ATP11A: variants seen among roughly 807,000 people sequenced by gnomAD.
ATP11A encodes the protein phospholipid-transporting ATPase IH.
Under a neutral mutation model 154.4 loss-of-function variants are expected in ATP11A, and 81 were observed. That is an observed-to-expected ratio of 0.52 (90% CI 0.44 to 0.63). The LOEUF is 0.63. Ranked by LOEUF, ATP11A falls within the 30% of genes least tolerant of loss-of-function variation. The pLI is 0.00. For synonymous variants in ATP11A, 623 were observed against 585.9 expected, an observed-to-expected ratio of 1.06 and a Z score of -0.91; for missense variants, 1,316 against 1,474.3, an observed-to-expected ratio of 0.89 and a Z score of 1.76.
intron 18 of ATP11A, among the ~76,000 whole-genome samples, chr13:112,853,258 A>T (rs1281885112): frequency 6.6e-6 from 1 of 151,754 alleles, no homozygotes; most frequent in African/African-American, 2.4e-5. Context: ...ATATATATAT[A>T]TATGCACACA....
intron 1 of ATP11A, among the ~76,000 whole-genome samples, chr13:112,722,569 GGAGGCATCC>G (rs1199047157): frequency 1.3e-5 from 2 of 152,306 alleles, no homozygotes; most frequent in East Asian, 3.9e-4. Context: ...GAGGGGGTGA[GGAGGCATCC>G]GAGTCCCATC....
intron 1 of ATP11A, among the ~76,000 whole-genome samples, chr13:112,778,771 T>G (rs1434530728): frequency 1.5e-4 from 9 of 58,244 alleles, no homozygotes; most frequent in African/African-American, 2.2e-4. Context: ...GCCGCTGGAG[T>G]GAGTAGCCGC....
chr13:112,794,025 T>C (rs1366638337), intron 2 of ATP11A, among the ~76,000 whole-genome samples: 2 of 152,208 alleles, frequency 1.3e-5, no homozygotes, highest in Non-Finnish European at 2.9e-5. Context: ...ATGGCGTCTG[T>C]CGTACAAGTG....
intron 9 of ATP11A, among the ~76,000 whole-genome samples, chr13:112,824,126 T>C (rs2078870779): frequency 6.6e-6 from 1 of 152,200 alleles, no homozygotes; most frequent in Non-Finnish European, 1.5e-5. Context: ...ATATGAACTC[T>C]TAAAAAATGA....
intron 1 of ATP11A, among the ~76,000 whole-genome samples, chr13:112,737,037 G>A (rs1891064326): frequency 6.6e-6 from 1 of 152,106 alleles, no homozygotes; most frequent in Non-Finnish European, 1.5e-5. Flanking sequence ...CAACCCACAT[G>A]TCTATCAACA....
At chr13:112,722,359 A>AT (rs778051289) in intron 1 of ATP11A, among the ~76,000 whole-genome samples, 265 of 152,062 alleles carry the variant, frequency 1.7e-3, no homozygotes, top group Non-Finnish European at 2.8e-3. Flanking sequence ...GTAGATTTAA[A>AT]TTTTTTCTAA....
At chr13:112,701,887 C>T (rs1162676305) in intron 1 of ATP11A, among the ~76,000 whole-genome samples, 2 of 152,154 alleles carry the variant, frequency 1.3e-5, no homozygotes, top group South Asian at 2.1e-4. Flanking sequence ...TCGCCCTTTT[C>T]CTCCCAGTGT....
intron 15 of ATP11A, among the ~76,000 whole-genome samples, chr13:112,835,098 G>A (rs899511396): frequency 1.3e-5 from 2 of 152,246 alleles, no homozygotes; most frequent in Admixed American, 1.3e-4. Context: ...GCACAGCGTC[G>A]TGTCGAAAAC....
chr13:112,694,686 A>T (rs1293284978), intron 1 of ATP11A, among the ~76,000 whole-genome samples: 1 of 152,110 alleles, frequency 6.6e-6, no homozygotes, highest in Non-Finnish European at 1.5e-5. Flanking sequence ...CAGCCCAGAT[A>T]TTCCTTGTTA....
At position 112,785,402 on chromosome 13, in the gene ATP11A, A is replaced by T. The variant is rs2077600755; in HGVS notation, c.162+145A>T. On this transcript the variant is annotated intron_variant, in intron 2 of 29. Coordinates refer to ENST00000375645, the MANE Select transcript of ATP11A (RefSeq NM_015205.3). This position sits in a 1 kb window ranked among gnomAD's most constrained non-coding sequence, Gnocchi z 4.8. ...CCACCCCCAGCAAGGGCTTCGGATC[A>T]GGACCTCACCGAGGGCGCTACTCTC... 1.0e-6 allele frequency: 1 copy of T among 986,824 alleles called. No individual in the cohort carries two copies. The highest frequency in any genetic ancestry group is 1.7e-5 in the African/African-American group (1 of 59,858). The allele number at this position is 986,824 out of a possible 1,614,324, so 61.1% of individuals were successfully genotyped here. A position where few individuals can be genotyped will look rare whatever the true frequency, so the allele number is the denominator to read the frequency against.
chr13:112,783,121 G>C (rs1451463063), intron 1 of ATP11A, among the ~76,000 whole-genome samples: 1 of 152,208 alleles, frequency 6.6e-6, no homozygotes, highest in African/African-American at 2.4e-5. Context: ...CATTCACACA[G>C]CTCCTGTCCG....
intron 1 of ATP11A, among the ~76,000 whole-genome samples, chr13:112,783,598 G>A (rs2077551566): frequency 6.6e-6 from 1 of 152,234 alleles, no homozygotes; most frequent in Non-Finnish European, 1.5e-5. Context: ...CCTCATGGAG[G>A]AGGCTTCCGT....
At chr13:112,747,347 C>T (rs1892281009) in intron 1 of ATP11A, 1 of 152,254 alleles carries the variant, frequency 6.6e-6, no homozygotes, top group Admixed American at 6.5e-5. Context: ...GCAGACTCAG[C>T]TGCCGCCACT....
At chr13:112,876,020 A>T (rs1316581922) in intron 28 of ATP11A, 79 bp downstream of exon 28, 27 of 1,500,426 alleles carry the variant, frequency 1.8e-5, no homozygotes, top group Non-Finnish European at 2.4e-5. Flanking sequence ...TTTGAAAGAC[A>T]GTGTGAAAGG....
chr13:112,862,702 C>A, intron 25 of ATP11A, 127 bp downstream of exon 25: 2 of 1,254,892 alleles, frequency 1.6e-6, no homozygotes, highest in South Asian at 1.4e-5. Context: ...TCCATCACCA[C>A]CTGCGCAGTA....
At chr13:112,722,740 G>A (rs1161964263) in intron 1 of ATP11A, among the ~76,000 whole-genome samples, 2 of 152,274 alleles carry the variant, frequency 1.3e-5, no homozygotes, top group Admixed American at 6.5e-5. Context: ...ATGAGTGGCC[G>A]TGGCTTGGAA....
At chr13:112,788,922 T>TA (rs1207090487) in intron 2 of ATP11A, among the ~76,000 whole-genome samples, 2 of 151,802 alleles carry the variant, frequency 1.3e-5, no homozygotes, top group African/African-American at 4.8e-5. Flanking sequence ...GGAGTCCTGA[T>TA]ATGTAGATCC....
intron 1 of ATP11A, among the ~76,000 whole-genome samples, chr13:112,723,164 G>C (rs1483139479): frequency 6.6e-6 from 1 of 151,726 alleles, no homozygotes; most frequent in East Asian, 2.0e-4. Context: ...TGGCATCTTA[G>C]TGCCACAGAG....
intron 1 of ATP11A, among the ~76,000 whole-genome samples, chr13:112,724,815 C>T (rs1889635721): frequency 6.6e-6 from 1 of 152,168 alleles, no homozygotes; most frequent in Non-Finnish European, 1.5e-5. Context: ...TTCCAAGGGT[C>T]CTGAAGCATG....
Sources: gnomAD v4.1 joint callset for allele counts (sites outside exome capture counted in the v4.1 genomes callset) on GRCh38, gnomAD v4.1.1 for gene constraint, Gnocchi (gnomAD v3.1) non-coding constraint, MANE v1.5 for transcripts, NCBI Gene and HGNC (gene_info 2026-07-23, HGNC 2026-07-21) for gene names.